Variants in CDH13 observed in about 807,000 individuals in gnomAD.
CDH13 encodes cadherin 13.
A neutral mutation model predicts 63.8 loss-of-function variants in CDH13; 24 were observed. The ratio of observed to expected loss-of-function variants is 0.38; its 90% CI spans 0.27 to 0.53. CDH13 has a LOEUF of 0.53. Ranked by LOEUF, CDH13 falls within the 20% of genes least tolerant of loss-of-function variation. The pLI is 0.85. For missense variants in CDH13, 1,049 were observed against 903.1 expected (o/e 1.16, Z -2.07); for synonymous variants, 503 against 355.3 (o/e 1.42, Z -4.67).
At chr16:83,131,131 A>C (rs2036025992) in intron 4 of CDH13, among the ~76,000 whole-genome samples, 1 of 150,568 alleles carries the variant, frequency 6.6e-6, no homozygotes, top group Admixed American at 6.6e-5. Context: ...TGAGATTCCA[A>C]ATCACTGCTA....
chr16:83,316,246 C>A (rs1405120757), intron 5 of CDH13, among the ~76,000 whole-genome samples: 1 of 152,166 alleles, frequency 6.6e-6, no homozygotes, highest in Non-Finnish European at 1.5e-5. Flanking sequence ...GATTACAATT[C>A]GGATTTCAAT....
chr16:83,289,036 A>C (rs1170708775), intron 5 of CDH13, among the ~76,000 whole-genome samples: 1 of 152,196 alleles, frequency 6.6e-6, no homozygotes, highest in African/African-American at 2.4e-5. Context: ...TGAAATAGAA[A>C]ATGTGAAACT....
At chr16:82,803,444 G>T (rs1458073948) in intron 1 of CDH13, among the ~76,000 whole-genome samples, 1 of 149,446 alleles carries the variant, frequency 6.7e-6, no homozygotes, top group Admixed American at 6.8e-5. Flanking sequence ...TAGAATCTCT[G>T]AGCAGCTCAG....
At chr16:83,137,983 G>A (rs943812662) in intron 4 of CDH13, among the ~76,000 whole-genome samples, 2 of 152,098 alleles carry the variant, frequency 1.3e-5, no homozygotes, top group Admixed American at 6.5e-5. Context: ...CGTGATGTGA[G>A]TCTGGGTGGC....
chr16:83,333,972 A>G (rs910345950), intron 5 of CDH13, among the ~76,000 whole-genome samples: 1 of 152,152 alleles, frequency 6.6e-6, no homozygotes, highest in Non-Finnish European at 1.5e-5. Context: ...TGAGAATCCA[A>G]CATGTGTCAG....
chr16:83,559,609 G>C (rs2075665936), intron 7 of CDH13, among the ~76,000 whole-genome samples: 1 of 150,944 alleles, frequency 6.6e-6, no homozygotes, highest in Non-Finnish European at 1.5e-5. Flanking sequence ...AGGAAGGAAG[G>C]AAGGAAAGAA....
chr16:83,159,784 A>G (rs1247258782), intron 4 of CDH13, among the ~76,000 whole-genome samples: 2 of 152,154 alleles, frequency 1.3e-5, no homozygotes, highest in Non-Finnish European at 2.9e-5. Context: ...TTAAATTCTA[A>G]TATAATGCAC....
intron 10 of CDH13, among the ~76,000 whole-genome samples, chr16:83,715,049 TAAGA>T (rs1227781922): frequency 6.6e-6 from 1 of 152,028 alleles, no homozygotes; most frequent in Non-Finnish European, 1.5e-5. Context: ...GGTTCGAGAG[TAAGA>T]GTTTTATTGC....
At chr16:83,402,644 A>C (rs1246776872) in intron 6 of CDH13, among the ~76,000 whole-genome samples, 3 of 152,202 alleles carry the variant, frequency 2.0e-5, no homozygotes, top group African/African-American at 7.2e-5. Context: ...AATCGTTGAT[A>C]ATATATGCCT....
intron 6 of CDH13, among the ~76,000 whole-genome samples, chr16:83,398,556 G>A (rs1030879303): frequency 6.6e-6 from 1 of 152,142 alleles, no homozygotes; most frequent in Non-Finnish European, 1.5e-5. Context: ...TTCCAAATAA[G>A]ATTCATGCAC....
chr16:83,113,434 T>C (rs1053834546), intron 3 of CDH13, among the ~76,000 whole-genome samples: 1 of 152,252 alleles, frequency 6.6e-6, no homozygotes, highest in Non-Finnish European at 1.5e-5. Flanking sequence ...ATTGCTTTAT[T>C]TAGTAATATT....
chr16:83,507,677 C>T (rs1247842693), intron 7 of CDH13, among the ~76,000 whole-genome samples: 3 of 152,140 alleles, frequency 2.0e-5, no homozygotes, highest in Non-Finnish European at 2.9e-5. Context: ...GGCACATGCT[C>T]AGACATCCTT....
chr16:82,885,554 T>C (rs1033534567), intron 2 of CDH13, among the ~76,000 whole-genome samples: 1 of 151,896 alleles, frequency 6.6e-6, no homozygotes, highest in South Asian at 2.1e-4. Flanking sequence ...CAGCCATCCA[T>C]CCATTCACTT....
Position 83,670,975 on chromosome 16 carries a change from A to G in CDH13, c.1284+3A>G, listed in dbSNP as rs1172953182. 5.7e-6 allele frequency: 9 copies of G among 1,581,736 alleles called. No individual in the cohort carries two copies. The highest frequency in any genetic ancestry group is 1.4e-5 in the African/African-American group (1 of 74,040). On this transcript the variant is annotated splice_donor_region_variant and intron_variant, in intron 9 of 13. Transcript: ENST00000567109. Reference sequence around the variant, plus strand: ...AAGGGATGCTTTCTGTTGTCAAAGTAAGGGTGCTTCCAATTGCCTCTTTCT... The same window carrying G: ...AAGGGATGCTTTCTGTTGTCAAAGTGAGGGTGCTTCCAATTGCCTCTTTCT...
chr16:83,166,111 G>T (rs183061216), intron 4 of CDH13, among the ~76,000 whole-genome samples: 2 of 152,252 alleles, frequency 1.3e-5, no homozygotes, highest in East Asian at 1.9e-4. Flanking sequence ...ACAATTTGCA[G>T]TTGGTGGCCA....
At chr16:83,438,367 A>T (rs1382635336) in intron 6 of CDH13, among the ~76,000 whole-genome samples, 1 of 152,210 alleles carries the variant, frequency 6.6e-6, no homozygotes, top group Non-Finnish European at 1.5e-5. Flanking sequence ...CCAGGTGTAT[A>T]TTGCTGACTT....
intron 8 of CDH13, among the ~76,000 whole-genome samples, chr16:83,669,179 G>A (rs1473493968): frequency 6.6e-6 from 1 of 152,176 alleles, no homozygotes; most frequent in Non-Finnish European, 1.5e-5. Flanking sequence ...GAAGACCAGA[G>A]ATGGACTGAT....
At chr16:83,323,020 CCCTGTAGG>C (rs2151896002) in intron 5 of CDH13, among the ~76,000 whole-genome samples, 1 of 152,044 alleles carries the variant, frequency 6.6e-6, no homozygotes, top group Non-Finnish European at 1.5e-5. Flanking sequence ...TGGCCCCCTA[CCCTGTAGG>C]GGGCCACAGG....
chr16:83,068,608 T>C (rs2032204122), intron 3 of CDH13, among the ~76,000 whole-genome samples: 1 of 152,174 alleles, frequency 6.6e-6, no homozygotes, highest in African/African-American at 2.4e-5. Context: ...GACTTCCCAA[T>C]AAGCCTTTGC....
Sources: allele counts gnomAD v4.1 joint callset (sites outside exome capture counted in the v4.1 genomes callset), GRCh38; gene constraint gnomAD v4.1.1; transcripts MANE v1.5; gene names NCBI Gene and HGNC (gene_info 2026-07-23, HGNC 2026-07-21).